Variants in DENND3 observed in about 807,000 individuals in gnomAD.
The protein encoded by DENND3 is DENN domain containing 3.
A neutral mutation model predicts 135.1 loss-of-function variants in DENND3; 88 were observed. That is an observed-to-expected ratio of 0.65 (90% CI 0.55 to 0.78). The LOEUF is 0.78. Among genes scored for constraint, DENND3 ranks in the 30% least tolerant of loss-of-function variants. The pLI is 0.00. For missense variants in DENND3, 1,392 were observed against 1,688.4 expected (o/e 0.82, Z 3.08); for synonymous variants, 693 against 712.3 (o/e 0.97, Z 0.43).
chr8:141,135,759 A>G (rs1816720412), intron 1 of DENND3, among the ~76,000 whole-genome samples: 1 of 152,240 alleles, frequency 6.6e-6, no homozygotes, highest in Non-Finnish European at 1.5e-5. Context: ...TTTAGGAAAG[A>G]ATGGGAAGAA....
In DENND3 at chr8:141,136,565, G is replaced by T; in HGVS notation, c.159G>T (p.Leu53=). The T allele has an allele frequency of 6.4e-7, 1 of 1,565,008 alleles. No individual in the cohort carries two copies. The highest frequency in any genetic ancestry group is 8.7e-7 in the Non-Finnish European group (1 of 1,154,436). ...CTGCTCTTCTTGATCCAGAGGTCCTGTCCATTTTCGTGCCTCCTTTTATCA... is the reference window on the plus strand; with the variant it reads ...CTGCTCTTCTTGATCCAGAGGTCCTTTCCATTTTCGTGCCTCCTTTTATCA... ...HLSALLDPEV[L]SIFVPPFISK... is the part of the protein sequence containing the mutation. Residue 53 remains leucine (L), a synonymous_variant, in exon 2 of 23, where the codon CTG becomes CTT. Coordinates refer to ENST00000519811, the MANE Select transcript of DENND3 (RefSeq NM_001352890.3).
In DENND3 at chr8:141,147,579, C is replaced by G. The variant is rs925992764; in HGVS notation, c.736-3255C>G. 2.0e-5 allele frequency among the ~76,000 whole-genome samples: 3 copies of G among 152,244 alleles called. No homozygotes were observed. The East Asian group carries it at 5.8e-4, about 29-fold the overall frequency. On this transcript the variant is annotated intron_variant, in intron 5 of 22. Coordinates refer to ENST00000519811, the MANE Select transcript of DENND3 (RefSeq NM_001352890.3). ...GCTGTGGCTCATCTCTGGTCACTCT[C>G]AGCGGTCAGGTCTTCGGATCGTCTT...
Position 141,144,209 on chromosome 8 carries a change from G to T in DENND3, c.685G>T (p.Ala229Ser), listed in dbSNP as rs760885420. Residue 229 changes from alanine to serine, a missense_variant, in exon 5 of 23, where the codon GCT becomes TCT. Ala to Ser is a moderately conservative substitution (Grantham distance 99, BLOSUM62 1). Transcript: ENST00000519811. This position sits in a 1 kb window ranked among gnomAD's most constrained non-coding sequence, Gnocchi z 4.4. Reference sequence around the variant, plus strand: ...AGTGGACAGTCATATAAAAGATTTCGCTGCGAAGCTGTCTTTAATACCCAG... The same window carrying T: ...AGTGGACAGTCATATAAAAGATTTCTCTGCGAAGCTGTCTTTAATACCCAG... The part of the protein sequence containing the change: ...FEVDSHIKDF[A>S]AKLSLIPSPP... 6 of 1,613,742 alleles carry T rather than the reference G, an allele frequency of 3.7e-6. No individual in the cohort carries two copies. Among genetic ancestry groups the T allele is most frequent in the South Asian group, 3.3e-5 (3 of 91,016 alleles).
intron 11 of DENND3, among the ~76,000 whole-genome samples, chr8:141,165,520 A>T (rs1199773893): frequency 2.0e-5 from 3 of 148,032 alleles, no homozygotes; most frequent in African/African-American, 5.0e-5. Flanking sequence ...GCTGGAGTGC[A>T]GTAGCTCAAT....
At chr8:141,150,255 T>C in intron 5 of DENND3, 1 of 1,214,278 alleles carries the variant, frequency 8.2e-7, no homozygotes, top group Non-Finnish European at 1.1e-6. Flanking sequence ...GTGAAGGAAC[T>C]GAACCTTCTC....
At chr8:141,155,651 C>T (rs1394184328) in intron 7 of DENND3, among the ~76,000 whole-genome samples, 198 bp from the exon 8 acceptor site, 2 of 152,082 alleles carry the variant, frequency 1.3e-5, no homozygotes, top group African/African-American at 4.8e-5. Flanking sequence ...AAGCAGTCTG[C>T]CTGCCTTGAC....
chr8:141,149,090 A>G (rs900154184), intron 5 of DENND3, among the ~76,000 whole-genome samples: 7 of 152,046 alleles, frequency 4.6e-5, no homozygotes, highest in Non-Finnish European at 7.4e-5. Flanking sequence ...TTGTATTTTT[A>G]GTAGAGACAA....
intron 1 of DENND3, among the ~76,000 whole-genome samples, chr8:141,134,559 C>T (rs1451909993): frequency 2.0e-5 from 3 of 152,066 alleles, no homozygotes; most frequent in African/African-American, 4.8e-5. Context: ...AAGCGTAAGC[C>T]ACCGCTCCCA....
Position 141,151,832 on chromosome 8 carries a change from A to G in DENND3, c.1069A>G (p.Ser357Gly). ...CCATCTCGACCACTTCGAAGAAGTCAGCAAGGTTAGGTAGCGAACCTTTGA... is the reference window on the plus strand; with the variant it reads ...CCATCTCGACCACTTCGAAGAAGTCGGCAAGGTTAGGTAGCGAACCTTTGA... Reference protein sequence around the residue: ...GCHLDHFEEVSKEADGLVLIN... With the variant: ...GCHLDHFEEVGKEADGLVLIN... Residue 357 changes from serine to glycine, a missense_variant, in exon 7 of 23, where the codon AGC (serine) becomes GGC (glycine). Coordinates refer to ENST00000519811, the MANE Select transcript of DENND3 (RefSeq NM_001352890.3). 5.0e-6 allele frequency: 8 copies of G among 1,614,116 alleles called. No individual in the cohort carries two copies. The highest frequency in any genetic ancestry group is 6.8e-6 in the Non-Finnish European group (8 of 1,180,036).
At position 141,180,848 on chromosome 8, in the gene DENND3, A is replaced by G. The variant is rs901587906; in HGVS notation, c.2938A>G (p.Thr980Ala). The G allele has an allele frequency of 5.0e-6, 8 of 1,611,012 alleles. No homozygotes were observed. The highest frequency in any genetic ancestry group is 1.7e-4 in the Middle Eastern group (1 of 6,050). The change falls in exon 17 of 23, where the codon ACT (threonine) becomes GCT (alanine). Residue 980 changes from threonine to alanine, a missense_variant. By Grantham distance (58) the Thr-to-Ala change is moderately conservative (BLOSUM62 0). Coordinates refer to ENST00000519811, the MANE Select transcript of DENND3 (RefSeq NM_001352890.3). ...ACAAGCGGTGGACGTGCTGCTCTAC[A>G]CTCCAGGTAAGGCCCCTCTGCCCGC... ...FPQAVDVLLY[T>A]PGHLDPAEKV...
intron 1 of DENND3, among the ~76,000 whole-genome samples, chr8:141,135,132 A>G (rs1589529550): frequency 6.8e-6 from 1 of 147,260 alleles, no homozygotes; most frequent in Admixed American, 6.7e-5. Flanking sequence ...CACCGCGCCC[A>G]GCTCTTTCTT....
In DENND3 at chr8:141,144,134, G is replaced by C; in HGVS notation, c.624-14G>C. 6.2e-7 allele frequency: 1 copy of C among 1,600,744 alleles called. No individual in the cohort carries two copies. The highest frequency in any genetic ancestry group is 8.5e-7 in the Non-Finnish European group (1 of 1,174,784). ...CTTTATTTTGCGGTTTGAGTTTTGT[G>C]TTTCGAATTTCAGTTTATTGGCTCT... On this transcript the variant is annotated splice_polypyrimidine_tract_variant and intron_variant, in intron 4 of 22. Transcript: ENST00000519811. The surrounding 1 kb of genome is among the most constrained non-coding windows in gnomAD (Gnocchi z 4.4).
chr8:141,176,280 A>C lies in DENND3; in HGVS notation c.2536-311A>C, dbSNP rs537210153. 2.8e-5 allele frequency: 6 copies of C among 217,908 alleles called. No individual in the cohort carries two copies. In the East Asian group the frequency reaches 4.0e-4, roughly 14 times the overall value. The allele number at this position is 217,908 out of a possible 1,614,324, so 13.5% of individuals were successfully genotyped here. A position where few individuals can be genotyped will look rare whatever the true frequency, so the allele number is the denominator to read the frequency against. ...GGAGATGGAAGTAAAAAAAAACAAAAACAAAACAAAAAAAAAAAAACAAAA... is the reference window on the plus strand; with the variant it reads ...GGAGATGGAAGTAAAAAAAAACAAACACAAAACAAAAAAAAAAAAACAAAA... On this transcript the variant is annotated intron_variant, in intron 14 of 22. Transcript: ENST00000519811.
At chr8:141,163,504 A>G (rs1403813514) in intron 10 of DENND3, 75 bp downstream of exon 10, 22 of 1,057,638 alleles carry the variant, frequency 2.1e-5, no homozygotes, top group Admixed American at 8.5e-5. Flanking sequence ...ATACTTTTCA[A>G]AATAAGTGTT....
At chr8:141,164,980 G>A (rs1589635901) in intron 10 of DENND3, among the ~76,000 whole-genome samples, 1 of 152,344 alleles carries the variant, frequency 6.6e-6, no homozygotes, top group East Asian at 1.9e-4. Flanking sequence ...GTGGGTATGT[G>A]GGACCCAGTG....
rs369314599 is a variant in DENND3, at chr8:141,155,910, C to A, written c.1136C>A (p.Thr379Lys). 1 of 1,612,308 alleles carries A rather than the reference C, an allele frequency of 6.2e-7. No homozygotes were observed. Among genetic ancestry groups the A allele is most frequent in the Non-Finnish European group, 8.5e-7 (1 of 1,179,122 alleles). ...DHGSITYSKS[T>K]DDNVDIPDVP... ...GGGAGCATCACCTACTCCAAGTCCA[C>A]GGACGATAACGTGGACATTCCTGAT... Residue 379 changes from threonine to lysine, a missense_variant, in exon 8 of 23, where the codon ACG (threonine) becomes AAG (lysine). By Grantham distance (78) the Thr-to-Lys change is moderately conservative. Coordinates refer to ENST00000519811, the MANE Select transcript of DENND3 (RefSeq NM_001352890.3).
At position 141,162,130 on chromosome 8, in the gene DENND3, T is replaced by C. The variant is rs1820212621; in HGVS notation, c.1353-1203T>C. Among the ~76,000 whole-genome samples the C allele has an allele frequency of 2.6e-5, 4 of 152,284 alleles. No homozygotes were observed. The South Asian group carries it at 8.3e-4, about 32-fold the overall frequency. On this transcript the variant is annotated intron_variant, in intron 9 of 22. Coordinates refer to ENST00000519811, the MANE Select transcript of DENND3 (RefSeq NM_001352890.3). Reference sequence around the variant, plus strand: ...TGAATGGCCTATTCTTTTGATGTATTTGTTTGCATAAAGCGAATAATTTAT... The same window carrying C: ...TGAATGGCCTATTCTTTTGATGTATCTGTTTGCATAAAGCGAATAATTTAT...
Position 141,189,152 on chromosome 8 carries a change from G to T in DENND3, c.3245+6G>T, listed in dbSNP as rs774670422. 27 of 1,614,196 alleles carry T rather than the reference G, an allele frequency of 1.7e-5. No individual in the cohort carries two copies. The highest frequency in any genetic ancestry group is 2.3e-5 in the Non-Finnish European group (27 of 1,180,016). ...GACGGACAGGAGGCACCCAGGTGCA[G>T]TAAGCTCTGCTGGGGAGAAGGGACT... On this transcript the variant is annotated splice_donor_region_variant and intron_variant, in intron 19 of 22. Coordinates refer to ENST00000519811, the MANE Select transcript of DENND3 (RefSeq NM_001352890.3).
intron 10 of DENND3, among the ~76,000 whole-genome samples, chr8:141,164,054 A>C (rs1820465361): frequency 6.6e-6 from 1 of 151,740 alleles, no homozygotes; most frequent in Non-Finnish European, 1.5e-5. Flanking sequence ...AGTCTGCCCC[A>C]TCCCTCCCCA....
Sources: gnomAD v4.1 joint callset for allele counts (sites outside exome capture counted in the v4.1 genomes callset) on GRCh38, gnomAD v4.1.1 for gene constraint, Gnocchi (gnomAD v3.1) non-coding constraint, MANE v1.5 for transcripts, NCBI Gene and HGNC (gene_info 2026-07-23, HGNC 2026-07-21) for gene names.